Variants in GPATCH8 observed in about 807,000 individuals in gnomAD.
GPATCH8 encodes G patch domain-containing protein 8.
In GPATCH8, 18 loss-of-function variants were observed where a neutral mutation model predicts 118.3. The observed-to-expected ratio is 0.15, with a 90% CI of 0.11 to 0.23. GPATCH8 has a LOEUF of 0.23. Ranked by LOEUF, GPATCH8 falls within the 10% of genes least tolerant of loss-of-function variation. The pLI is 1.00. For missense variants in GPATCH8, 1,631 were observed against 1,873.8 expected, an observed-to-expected ratio of 0.87 and a Z score of 2.39; for synonymous variants, 659 against 684.7, an observed-to-expected ratio of 0.96 and a Z score of 0.59.
rs2049239948 is a variant in GPATCH8 at position 44,406,561 on chromosome 17, T to TG, written c.493-511dup. On this transcript the variant is annotated intron_variant, in intron 6 of 7. Coordinates refer to ENST00000591680, the MANE Select transcript of GPATCH8 (RefSeq NM_001002909.4). ...ATACTTTTATTTCACCATAAAAAGG[T>TG]GGTTTTTTTTTCTTTCAGCATGAGT... Among the ~76,000 whole-genome samples the TG allele has an allele frequency of 2.5e-5, 3 of 122,116 alleles. No individual in the cohort carries two copies. In the Admixed American group the frequency reaches 2.9e-4, roughly 12 times the overall value. 80.1% of individuals were successfully genotyped at this position (122,116 alleles called of 152,430 possible). A position where few individuals can be genotyped will look rare whatever the true frequency, so the allele number is the denominator to read the frequency against.
At position 44,398,659 on chromosome 17, in the gene GPATCH8, C is replaced by T; in HGVS notation, c.3418G>A (p.Gly1140Ser). The change falls in exon 8 of 8, where the codon GGC (glycine) becomes AGC (serine). Residue 1140 changes from glycine to serine, a missense_variant. Transcript: ENST00000591680. ...YFGPKLPPSL[G>S]NKPVLPLIGK... ...ATCAGTGGAAGGACAGGCTTATTGC[C>T]AAGAGATGGGGGGAGCTTGGGCCCA... The T allele has an allele frequency of 6.4e-7, 1 of 1,562,032 alleles. No individual in the cohort carries two copies. Among genetic ancestry groups the T allele is most frequent in the Non-Finnish European group, 8.7e-7 (1 of 1,154,746 alleles).
rs552326530 is a variant in GPATCH8, at chr17:44,500,952, C to T, written c.45+2374G>A. 2.6e-5 allele frequency among the ~76,000 whole-genome samples: 4 copies of T among 152,334 alleles called. 1 individual carries two copies. The highest frequency in any genetic ancestry group is 7.2e-5 in the African/African-American group (3 of 41,580). On this transcript the variant is annotated intron_variant, in intron 1 of 7. Coordinates refer to ENST00000591680, the MANE Select transcript of GPATCH8 (RefSeq NM_001002909.4). The stretch of plus-strand genomic sequence containing the variant: ...AATACATCATTAAATGAAAGTCAAT[C>T]TGTATTTTCCCTTTATTAAAACATC...
intron 1 of GPATCH8, among the ~76,000 whole-genome samples, chr17:44,492,928 T>C (rs1969372496): frequency 6.6e-6 from 1 of 152,224 alleles, no homozygotes; most frequent in Admixed American, 6.6e-5. Flanking sequence ...TACTCACTAA[T>C]GTTTGGAAAA....
chr17:44,459,196 A>G (rs1430809552), intron 3 of GPATCH8, among the ~76,000 whole-genome samples: 1 of 152,218 alleles, frequency 6.6e-6, no homozygotes, highest in Admixed American at 6.5e-5. Context: ...CTAACATCAA[A>G]AGCACAGATC....
At chr17:44,482,442 C>T (rs1179554110) in intron 1 of GPATCH8, among the ~76,000 whole-genome samples, 2 of 151,318 alleles carry the variant, frequency 1.3e-5, no homozygotes, top group East Asian at 2.0e-4. Flanking sequence ...GGTGTGGTGG[C>T]GGGCGCCTGT....
At position 44,401,275 on chromosome 17, in the gene GPATCH8, TAGTGATTTGTACTGC is replaced by T. The variant is rs773838300; in HGVS notation, c.787_801del (p.Ala263_Thr267del). Reference sequence around the variant, plus strand: ...GGAGCCTGGGCCAGTCCAGTGGTATTAGTGATTTGTACTGCAGTGAAAGGGCCTCCTTTATCTGTG... The same window carrying T: ...GGAGCCTGGGCCAGTCCAGTGGTATTAGTGAAAGGGCCTCCTTTATCTGTG... On this transcript the variant is annotated inframe_deletion, in exon 8 of 8. Coordinates refer to ENST00000591680, the MANE Select transcript of GPATCH8 (RefSeq NM_001002909.4). 6 of 1,613,258 alleles carry T rather than the reference TAGTGATTTGTACTGC, an allele frequency of 3.7e-6. No individual in the cohort carries two copies. Among genetic ancestry groups the T allele is most frequent in the Non-Finnish European group, 8.5e-7 (1 of 1,179,524 alleles).
At chr17:44,459,658 AGTATG>A (rs1266575743) in intron 3 of GPATCH8, among the ~76,000 whole-genome samples, 2 of 152,184 alleles carry the variant, frequency 1.3e-5, no homozygotes, top group African/African-American at 4.8e-5. Flanking sequence ...ACTTAATTTA[AGTATG>A]AAAGGAGTGC....
chr17:44,455,711 G>C (rs1266814177), intron 3 of GPATCH8, among the ~76,000 whole-genome samples: 1 of 152,210 alleles, frequency 6.6e-6, no homozygotes, highest in East Asian at 1.9e-4. Flanking sequence ...TCAGAAAAAT[G>C]TATCTATGTC....
chr17:44,466,577 C>A (rs1267809099), intron 2 of GPATCH8, among the ~76,000 whole-genome samples: 1 of 152,092 alleles, frequency 6.6e-6, no homozygotes, highest in East Asian at 1.9e-4. Flanking sequence ...GAAAAACATT[C>A]CCTTACCCAG....
intron 6 of GPATCH8, among the ~76,000 whole-genome samples, chr17:44,414,737 T>C (rs1484651147): frequency 2.0e-5 from 3 of 152,228 alleles, no homozygotes; most frequent in African/African-American, 7.2e-5. Flanking sequence ...AAGCAGTTAC[T>C]CACCATCTCC....
intron 2 of GPATCH8, chr17:44,467,338 AG>A: frequency 4.0e-6 from 1 of 247,576 alleles, no homozygotes; most frequent in Admixed American, 4.2e-5. Flanking sequence ...AGGGAGAGGG[AG>A]AAAAAAAAGA....
intron 3 of GPATCH8, among the ~76,000 whole-genome samples, chr17:44,451,953 A>C (rs2144184807): frequency 6.6e-6 from 1 of 152,282 alleles, no homozygotes; most frequent in South Asian, 2.1e-4. Context: ...TTTGGCACCA[A>C]GATTCTACCA....
chr17:44,406,732 A>G (rs1243805979), intron 6 of GPATCH8, among the ~76,000 whole-genome samples: 2 of 152,186 alleles, frequency 1.3e-5, no homozygotes, highest in Admixed American at 6.5e-5. Flanking sequence ...CCCTGAGAGG[A>G]ATATCCAGGG....
At chr17:44,461,322 T>C (rs6503373) in intron 3 of GPATCH8, among the ~76,000 whole-genome samples, 81,509 of 151,642 alleles carry the variant, frequency 0.54, 22,559 homozygotes, top group Middle Eastern at 0.62. Context: ...GCTGGGACTA[T>C]AGGTGTGTGC....
chr17:44,474,681 TTTAA>T, intron 2 of GPATCH8, 144 bp downstream of exon 2: 1 of 702,830 alleles, frequency 1.4e-6, no homozygotes, highest in Non-Finnish European at 2.6e-6. Context: ...CATCCCAAGC[TTTAA>T]TTGATTACTG....
intron 3 of GPATCH8, among the ~76,000 whole-genome samples, chr17:44,461,512 GA>G (rs942993209): frequency 6.6e-6 from 1 of 151,444 alleles, no homozygotes; most frequent in African/African-American, 2.4e-5. Context: ...CAATTAAAAA[GA>G]AAAAAAACCT....
chr17:44,502,172 T>G (rs958260994), intron 1 of GPATCH8, among the ~76,000 whole-genome samples: 7 of 152,202 alleles, frequency 4.6e-5, no homozygotes, highest in African/African-American at 1.7e-4. Flanking sequence ...ATTGTTAAAC[T>G]GCTTTACCTA....
chr17:44,451,254 T>C (rs1240560820), intron 3 of GPATCH8, among the ~76,000 whole-genome samples: 1 of 152,148 alleles, frequency 6.6e-6, no homozygotes, highest in Non-Finnish European at 1.5e-5. Context: ...CCAACATGCC[T>C]GGCTAATTTT....
At chr17:44,444,029 A>G (rs1201939289) in intron 3 of GPATCH8, among the ~76,000 whole-genome samples, 2 of 152,184 alleles carry the variant, frequency 1.3e-5, no homozygotes, top group African/African-American at 4.8e-5. Flanking sequence ...ATTATGACCT[A>G]AACGAATTTC....
Sources: allele counts gnomAD v4.1 joint callset (sites outside exome capture counted in the v4.1 genomes callset), GRCh38; gene constraint gnomAD v4.1.1; transcripts MANE v1.5; gene names NCBI Gene and HGNC (gene_info 2026-07-23, HGNC 2026-07-21).